ADCY8: variants seen among roughly 807,000 people sequenced by gnomAD.
ADCY8 encodes the protein adenylate cyclase 8.
ADCY8 carries 51 observed loss-of-function variants against 119.7 expected under a neutral mutation model. The ratio of observed to expected loss-of-function variants is 0.43; its 90% CI spans 0.34 to 0.54. The LOEUF (loss-of-function observed/expected upper bound fraction) is 0.54. Ranked by LOEUF, ADCY8 falls within the 20% of genes least tolerant of loss-of-function variation. The probability of loss-of-function intolerance (pLI) is 0.03; values close to 1 mark genes in which losing one functional copy is unlikely to be tolerated. For synonymous variants in ADCY8, 665 were observed against 651.0 expected (o/e 1.02, Z -0.33); for missense variants, 1,383 against 1,598.8 (o/e 0.87, Z 2.30).
At position 130,802,081 on chromosome 8, in the gene ADCY8, A is replaced by G. The variant is rs1032048845; in HGVS notation, c.2914-1509T>C. Among the ~76,000 whole-genome samples the G allele has an allele frequency of 2.0e-5, 3 of 152,010 alleles. No homozygotes were observed. In the East Asian group the frequency reaches 5.8e-4, roughly 29 times the overall value. ...GGTTAGTTATCCTTCTTGGGCTTCA[A>G]GCTACCATGTCTCATGCTTGGTTGC... is the stretch of plus-strand genomic sequence containing the variant. On this transcript the variant is annotated intron_variant, in intron 14 of 17. Coordinates refer to ENST00000286355, the MANE Select transcript of ADCY8 (RefSeq NM_001115.3).
chr8:130,960,261 T>C (rs1563745934), intron 2 of ADCY8, among the ~76,000 whole-genome samples: 1 of 152,092 alleles, frequency 6.6e-6, no homozygotes, highest in Non-Finnish European at 1.5e-5. Context: ...AGACTTCCCA[T>C]AGGCAGGTAT....
At chr8:130,980,244 T>C (rs1167792053) in intron 2 of ADCY8, among the ~76,000 whole-genome samples, 7 of 152,216 alleles carry the variant, frequency 4.6e-5, no homozygotes, top group African/African-American at 1.2e-4. Context: ...TCAAGTGTGA[T>C]TGCATCTTGA....
Position 131,040,076 on chromosome 8 carries a change from G to T in ADCY8, c.258C>A (p.Asp86Glu). The change falls in exon 1 of 18, where the codon GAC becomes GAA. Residue 86 changes from aspartate to glutamate, a missense_variant. Asp to Glu is a conservative substitution (Grantham distance 45). Around this residue, in one of 2 missense-constraint regions of ADCY8, gnomAD observed 455 missense variants for 435.3 expected, o/e 1.05. Coordinates refer to ENST00000286355, the MANE Select transcript of ADCY8 (RefSeq NM_001115.3). ...PNHHAPQLSG[D>E]SALPLYSLGP... is the part of the protein sequence containing the mutation. Reference sequence around the variant, plus strand: ...CCAGCGAGTAGAGGGGCAGCGCCGAGTCGCCTGACAGCTGCGGCGCGTGGT... The same window carrying T: ...CCAGCGAGTAGAGGGGCAGCGCCGATTCGCCTGACAGCTGCGGCGCGTGGT... The T allele has an allele frequency of 1.3e-6, 2 of 1,537,256 alleles. No individual in the cohort carries two copies. The highest frequency in any genetic ancestry group is 1.7e-6 in the Non-Finnish European group (2 of 1,147,202).
At chr8:130,782,785 A>G (rs1215136506) in intron 17 of ADCY8, among the ~76,000 whole-genome samples, 1 of 152,250 alleles carries the variant, frequency 6.6e-6, no homozygotes, top group Non-Finnish European at 1.5e-5. Flanking sequence ...CTTAGATCTG[A>G]CAAGTCAGAT....
At chr8:131,003,597 T>G (rs772529338) in intron 1 of ADCY8, among the ~76,000 whole-genome samples, 3 of 151,806 alleles carry the variant, frequency 2.0e-5, no homozygotes, top group Non-Finnish European at 4.4e-5. Context: ...GCTTTAGCCT[T>G]TACACATGCT....
rs1451768234 is a variant in ADCY8 at position 130,840,083 on chromosome 8, A to G, written c.2503-3634T>C. Reference sequence around the variant, plus strand: ...AGAGAGAGGAGTCAGAGGTAGCACTAATATTTCCACTTTGTATTAATCTAT... The same window carrying G: ...AGAGAGAGGAGTCAGAGGTAGCACTGATATTTCCACTTTGTATTAATCTAT... On this transcript the variant is annotated intron_variant, in intron 11 of 17. Transcript: ENST00000286355. 1.4e-5 allele frequency among the ~76,000 whole-genome samples: 2 copies of G among 139,930 alleles called. 1 individual carries two copies. The highest frequency in any genetic ancestry group is 3.2e-5 in the Non-Finnish European group (2 of 61,918). 91.8% of individuals were successfully genotyped at this position (139,930 alleles called of 152,430 possible).
chr8:130,869,176 A>G (rs1818235747), intron 8 of ADCY8, among the ~76,000 whole-genome samples: 2 of 151,844 alleles, frequency 1.3e-5, no homozygotes. Context: ...TGCTTTTTCT[A>G]CTCTCCAGTA....
chr8:130,904,365 AT>A (rs35578806), intron 6 of ADCY8, among the ~76,000 whole-genome samples: 104,794 of 151,492 alleles, frequency 0.69, 36,357 homozygotes, highest in African/African-American at 0.73. Context: ...CAAAACAGTG[AT>A]TTTTTTTTTC....
chr8:130,869,145 G>A (rs751242564), intron 8 of ADCY8, among the ~76,000 whole-genome samples: 3 of 152,200 alleles, frequency 2.0e-5, no homozygotes, highest in Admixed American at 6.5e-5. Context: ...AGACTGCACA[G>A]TTATTGCTTT....
intron 14 of ADCY8, among the ~76,000 whole-genome samples, chr8:130,809,408 G>A (rs995853351): frequency 1.1e-4 from 16 of 152,152 alleles, no homozygotes; most frequent in South Asian, 2.1e-4. Context: ...TTCAAGACTT[G>A]TCTCTTTGTA....
chr8:131,039,723 G>C lies in ADCY8; in HGVS notation c.611C>G (p.Ala204Gly), dbSNP rs752349474. Residue 204 changes from alanine to glycine, a missense_variant, in exon 1 of 18, where the codon GCC becomes GGC. Coordinates refer to ENST00000286355, the MANE Select transcript of ADCY8 (RefSeq NM_001115.3). ...LTLLVLHLSL[A>G]SAPMDPLKGI... ...CTTGAGCGGGTCCATGGGGGCCGAGGCCAGGCTCAAGTGTAGGACCAAGAG... is the reference window on the plus strand; with the variant it reads ...CTTGAGCGGGTCCATGGGGGCCGAGCCCAGGCTCAAGTGTAGGACCAAGAG... 3 of 1,614,138 alleles carry C rather than the reference G, an allele frequency of 1.9e-6. No homozygotes were observed. The highest frequency in any genetic ancestry group is 2.5e-6 in the Non-Finnish European group (3 of 1,180,024).
chr8:131,039,671 G>T lies in ADCY8; in HGVS notation c.663C>A (p.Gly221=), dbSNP rs771600216. The T allele has an allele frequency of 1.9e-6, 3 of 1,614,024 alleles. No individual in the cohort carries two copies. In the African/African-American group the frequency reaches 4.0e-5, roughly 22 times the overall value. The change falls in exon 1 of 18, where the codon GGC becomes GGA. Residue 221 remains glycine, a synonymous_variant. Coordinates refer to ENST00000286355, the MANE Select transcript of ADCY8 (RefSeq NM_001115.3). The part of the protein sequence containing the change: ...LKGILLGFFT[G]IEVVICALVV... ...CCAGGGCGCAGATCACTACCTCAATGCCGGTGAAGAAGCCCAGCAGGATGC... is the reference window on the plus strand; with the variant it reads ...CCAGGGCGCAGATCACTACCTCAATTCCGGTGAAGAAGCCCAGCAGGATGC...
intron 12 of ADCY8, among the ~76,000 whole-genome samples, chr8:130,835,825 T>A (rs943622037): frequency 2.0e-5 from 3 of 152,192 alleles, no homozygotes; most frequent in Non-Finnish European, 4.4e-5. Context: ...GTAATATTTT[T>A]AATTTTTTTT....
intron 15 of ADCY8, among the ~76,000 whole-genome samples, chr8:130,791,057 T>C (rs1485200367): frequency 1.3e-5 from 2 of 152,178 alleles, no homozygotes. Context: ...CACAGCTGGG[T>C]TGGGTCTCCT....
chr8:130,854,828 TCCCTCCCTC>T lies in ADCY8; in HGVS notation c.2211-5034_2211-5026del, dbSNP rs1563694476. 5.1e-3 allele frequency among the ~76,000 whole-genome samples: 112 copies of T among 21,852 alleles called. 1 individual carries two copies. The highest frequency in any genetic ancestry group is 0.026 in the Middle Eastern group (1 of 38). 14.3% of individuals were successfully genotyped at this position (21,852 alleles called of 152,430 possible). On this transcript the variant is annotated intron_variant, in intron 9 of 17. Coordinates refer to ENST00000286355, the MANE Select transcript of ADCY8 (RefSeq NM_001115.3). ...GTCCCTCCCTCCCTCCCTCCCTCCC[TCCCTCCCTC>T]CCTTCCTTCCCTCCCTCCCTCTGTA...
chr8:130,780,526 C>T lies in ADCY8; in HGVS notation c.3620G>A (p.Arg1207Lys). ...LGLVQSLNRQRQKQLLNENNN... is the reference protein window; with the variant it reads ...LGLVQSLNRQKQKQLLNENNN... ...GTTCTCATTGAGTAGCTGCTTCTGC[C>T]TTTGCCTATTGAGGGACTGGACAAG... Residue 1207 changes from arginine (R) to lysine (K), a missense_variant, in exon 18 of 18, where the codon AGG becomes AAG. Around this residue, in one of 2 missense-constraint regions of ADCY8, gnomAD observed 928 missense variants for 1,163.5 expected, o/e 0.80. Coordinates refer to ENST00000286355, the MANE Select transcript of ADCY8 (RefSeq NM_001115.3). The T allele has an allele frequency of 6.2e-7, 1 of 1,614,152 alleles. No individual in the cohort carries two copies. The highest frequency in any genetic ancestry group is 8.5e-7 in the Non-Finnish European group (1 of 1,180,020).
At chr8:130,965,683 A>ATT (rs1425009346) in intron 2 of ADCY8, among the ~76,000 whole-genome samples, 6 of 152,226 alleles carry the variant, frequency 3.9e-5, no homozygotes, top group African/African-American at 1.4e-4. Context: ...GATTTCTGAT[A>ATT]ATCATTTGAA....
intron 1 of ADCY8, among the ~76,000 whole-genome samples, chr8:131,032,702 C>T (rs1448402296): frequency 2.6e-5 from 4 of 152,120 alleles, no homozygotes; most frequent in African/African-American, 9.7e-5. Context: ...ATCTGGCTTC[C>T]GAAGCACTGC....
At chr8:130,851,029 C>G (rs1817509284) in intron 9 of ADCY8, among the ~76,000 whole-genome samples, 1 of 152,082 alleles carries the variant, frequency 6.6e-6, no homozygotes, top group Non-Finnish European at 1.5e-5. Flanking sequence ...GTGTTAGAGC[C>G]AGAATTTAAA....
Sources: allele counts gnomAD v4.1 joint callset (sites outside exome capture counted in the v4.1 genomes callset), GRCh38; gene constraint gnomAD v4.1.1; regional missense constraint gnomAD v4.1.1; transcripts MANE v1.5; gene names NCBI Gene and HGNC (gene_info 2026-07-23, HGNC 2026-07-21).